The following ZNF582 variants were observed in gnomAD, a reference collection of about 807,000 sequenced individuals.
The protein encoded by ZNF582 is zinc finger protein 582.
In ZNF582, 14 loss-of-function variants were observed where a neutral mutation model predicts 12.3. The observed-to-expected ratio is 1.14, with a 90% CI of 0.75 to 1.78. ZNF582 has a LOEUF of 1.78. ZNF582 is among the 40% of genes most tolerant of loss of function. The pLI, the probability that ZNF582 is intolerant of heterozygous loss-of-function variation, is 0.00. For missense variants in ZNF582, 567 were observed against 616.5 expected, an observed-to-expected ratio of 0.92 and a Z score of 0.85; for synonymous variants, 210 against 207.2, an observed-to-expected ratio of 1.01 and a Z score of -0.11.
intron 4 of ZNF582, among the ~76,000 whole-genome samples, chr19:56,388,692 GTT>G (rs2041989476): frequency 6.6e-6 from 1 of 152,088 alleles, no homozygotes; most frequent in Non-Finnish European, 1.5e-5. Flanking sequence ...GAGCGCAGTG[GTT>G]CGATCTCGGA....
Position 56,383,924 on chromosome 19 carries a change from C to G in ZNF582, c.1493G>C (p.Arg498Thr), listed in dbSNP as rs1194424976. ...ATGGTTGCTTGCCAACATAAATTCTCTGATGATTAGTAAGGGGTAACTGCT... is the reference window on the plus strand; with the variant it reads ...ATGGTTGCTTGCCAACATAAATTCTGTGATGATTAGTAAGGGGTAACTGCT... The change falls in exon 5 of 5, where the codon AGA becomes ACA. Residue 498 changes from arginine to threonine, a missense_variant. Arg to Thr is a moderately conservative substitution (Grantham distance 71). Transcript: ENST00000586929. 7.5e-6 allele frequency: 12 copies of G among 1,608,938 alleles called. No individual in the cohort carries two copies. Among genetic ancestry groups the G allele is most frequent in the Non-Finnish European group, 9.3e-6 (11 of 1,178,222 alleles).
At chr19:56,384,459 A>G in exon 5 of ZNF582, 1 of 1,600,318 alleles carries the variant, frequency 6.2e-7, no homozygotes, top group African/African-American at 1.3e-5. Flanking sequence ...CGATGACTAA[A>G]GGTTTTCCCA....
At chr19:56,391,752 T>TTTAAA in exon 2 of ZNF582, 2 of 1,613,920 alleles carry the variant, frequency 1.2e-6, no homozygotes, top group South Asian at 2.2e-5. Context: ...ACAAGGGACA[T>TTTAAA]GACTTTTAGA....
intron 4 of ZNF582, among the ~76,000 whole-genome samples, chr19:56,387,883 A>G (rs2041981161): frequency 6.6e-6 from 1 of 152,252 alleles, no homozygotes; most frequent in South Asian, 2.1e-4. Context: ...TTCTCCTTTT[A>G]GAAACATAAA....
chr19:56,383,797 G>A, exon 5 of ZNF582: 1 of 1,484,342 alleles, frequency 6.7e-7, no homozygotes, highest in Non-Finnish European at 8.9e-7. Context: ...TGAAGGCATT[G>A]TCACTGGCAT....
In ZNF582 at chr19:56,389,997, T is replaced by C. The variant is rs540857541; in HGVS notation, c.232+4A>G. ...TGCTCCCTTCCCAATGATACCTCAC[T>C]CACCTGGACACAGGCCTCCAGACAC... On this transcript the variant is annotated splice_donor_region_variant and intron_variant, in intron 4 of 4. Transcript: ENST00000586929. 13 of 1,613,100 alleles carry C rather than the reference T, an allele frequency of 8.1e-6. No individual in the cohort carries two copies. The Admixed American group carries it at 1.7e-4, about 21-fold the overall frequency.
chr19:56,393,480 C>G (rs759108334), exon 1 of ZNF582: 4 of 503,108 alleles, frequency 8.0e-6, no homozygotes, highest in Admixed American at 6.0e-5. Context: ...CGCGGCCGCG[C>G]CCCCGGCAGC....
At chr19:56,383,840 A>G in exon 5 of ZNF582, 3 of 1,521,624 alleles carry the variant, frequency 2.0e-6, no homozygotes, top group Non-Finnish European at 2.6e-6. Context: ...AAGAGGGAGA[A>G]GTAAGTCACA....
In ZNF582 at chr19:56,383,654, C is replaced by G. The variant is rs1179087897; in HGVS notation, c.*209G>C. 1.1e-5 allele frequency: 5 copies of G among 459,708 alleles called. No homozygotes were observed. The Admixed American group carries it at 2.1e-4, about 19-fold the overall frequency. The allele number at this position is 459,708 out of a possible 1,614,324, so 28.5% of individuals were successfully genotyped here. On this transcript the variant is annotated 3_prime_UTR_variant, in exon 5 of 5. Transcript: ENST00000586929. ...TACACTGTGGTTAGAAAATGTGGTT[C>G]TGGAATGTGTTAGAAATAAAATTTC...
In ZNF582 at chr19:56,386,070, A is replaced by T. The variant is rs1315581456; in HGVS notation, c.233-886T>A. Among the ~76,000 whole-genome samples the T allele has an allele frequency of 3.3e-5, 5 of 152,236 alleles. No individual in the cohort carries two copies. The East Asian group carries it at 9.6e-4, about 29-fold the overall frequency. ...AGTGTGAATGTACTTAACACTACTG[A>T]ACTGTACACTTGAAAATGGTGAGCA... On this transcript the variant is annotated intron_variant, in intron 4 of 4. Coordinates refer to ENST00000586929, the Ensembl canonical transcript of ZNF582.
chr19:56,384,188 A>G, exon 5 of ZNF582: 1 of 1,612,118 alleles, frequency 6.2e-7, no homozygotes, highest in Non-Finnish European at 8.5e-7. Context: ...ATGTACAGTA[A>G]GATGTGAGAC....
intron 1 of ZNF582, among the ~76,000 whole-genome samples, 171 bp downstream of exon 1, chr19:56,393,049 C>T (rs2042029288): frequency 6.6e-6 from 1 of 151,666 alleles, no homozygotes; most frequent in Non-Finnish European, 1.5e-5. Context: ...AAAATGTTCC[C>T]AAGTATAAGT....
exon 1 of ZNF582, chr19:56,393,317 C>T (rs1376811876): frequency 9.2e-6 from 11 of 1,190,532 alleles, no homozygotes; most frequent in African/African-American, 1.6e-5. Flanking sequence ...AGTCTCACGC[C>T]GGTAAAGCCA....
rs191132589 is a variant in ZNF582, at chr19:56,383,570, A to T, written c.*293T>A. On this transcript the variant is annotated 3_prime_UTR_variant, in exon 5 of 5. Coordinates refer to ENST00000586929, the Ensembl canonical transcript of ZNF582. ...ATGATTTCTTTGTTAAGCAAATGAT[A>T]ATCTGGCTGTTTTTTTAACTTGTAA... 6.0e-4 allele frequency: 149 copies of T among 247,644 alleles called. 1 individual carries two copies. The highest frequency in any genetic ancestry group is 9.8e-4 in the Non-Finnish European group (129 of 131,300). The allele number at this position is 247,644 out of a possible 1,614,324, so 15.3% of individuals were successfully genotyped here.
At chr19:56,388,771 T>C (rs2041991030) in intron 4 of ZNF582, among the ~76,000 whole-genome samples, 1 of 152,100 alleles carries the variant, frequency 6.6e-6, no homozygotes, top group African/African-American at 2.4e-5. Context: ...TAGCTGGGAT[T>C]ATAGGCACGT....
Position 56,390,387 on chromosome 19 carries a change from G to A in ZNF582, c.124C>T (p.Leu42=), listed in dbSNP as rs111416762. 2.7e-4 allele frequency: 437 copies of A among 1,614,200 alleles called. 6 individuals carry two copies. The African/African-American group carries it at 4.3e-3, about 16-fold the overall frequency. The stretch of plus-strand genomic sequence containing the variant: ...GAGATCACCTTACCCAGTGAGACCA[G>A]GTTGCTGTAGGTCTCCAACATCACG... The change falls in exon 3 of 5, where the codon CTG becomes TTG. Residue 42 remains leucine, a synonymous_variant. Coordinates refer to ENST00000586929, the Ensembl canonical transcript of ZNF582.
At chr19:56,388,695 C>G (rs183389113) in intron 4 of ZNF582, among the ~76,000 whole-genome samples, 12 of 152,062 alleles carry the variant, frequency 7.9e-5, no homozygotes, top group African/African-American at 1.9e-4. Context: ...CGCAGTGGTT[C>G]GATCTCGGAT....
rs928642783 is a variant in ZNF582, at chr19:56,385,149, G to T, written c.268C>A (p.Pro90Thr). ...TCGACTTCATAAACATGCTGCTTTG[G>T]AAATAATTCCTTGGTATCATATCTG... Residue 90 changes from proline to threonine, a missense_variant, in exon 5 of 5, where the codon CCA (proline) becomes ACA (threonine). Physicochemically the swap from Pro to Thr is conservative, Grantham distance 38 (BLOSUM62 -1). Transcript: ENST00000586929. The T allele has an allele frequency of 1.9e-6, 3 of 1,607,654 alleles. No homozygotes were observed. Among genetic ancestry groups the T allele is most frequent in the Non-Finnish European group, 2.5e-6 (3 of 1,178,048 alleles).
intron 2 of ZNF582, 85 bp downstream of exon 2, chr19:56,391,659 G>T: frequency 7.9e-7 from 1 of 1,270,586 alleles, no homozygotes; most frequent in Non-Finnish European, 1.1e-6. Flanking sequence ...AAATGGGAAA[G>T]TCTGAGAACC....
Sources: gnomAD v4.1 joint callset for allele counts (sites outside exome capture counted in the v4.1 genomes callset) on GRCh38, gnomAD v4.1.1 for gene constraint, MANE v1.5 for transcripts, NCBI Gene and HGNC (gene_info 2026-07-23, HGNC 2026-07-21) for gene names.